PPTC7: variants seen among roughly 807,000 people sequenced by gnomAD.
PPTC7 encodes protein phosphatase targeting COQ7.
A neutral mutation model predicts 30.8 loss-of-function variants in PPTC7; 6 were observed. That is an observed-to-expected ratio of 0.19 (90% CI 0.11 to 0.38). The LOEUF (loss-of-function observed/expected upper bound fraction) is 0.38. PPTC7 is among the 10% of genes least tolerant of loss of function. The probability of loss-of-function intolerance (pLI) is 1.00; values close to 1 mark genes in which losing one functional copy is unlikely to be tolerated. For synonymous variants in PPTC7, 163 were observed against 168.1 expected, an observed-to-expected ratio of 0.97 and a Z score of 0.23; for missense variants, 218 against 404.8, an observed-to-expected ratio of 0.54 and a Z score of 3.96.
chr12:110,578,468 A>G (rs957419982), intron 1 of PPTC7, among the ~76,000 whole-genome samples: 1 of 152,212 alleles, frequency 6.6e-6, no homozygotes, highest in African/African-American at 2.4e-5. Flanking sequence ...CACACCCAAC[A>G]TAGTCAGTTT....
chr12:110,546,945 G>A (rs2064310908), intron 2 of PPTC7, among the ~76,000 whole-genome samples: 1 of 152,202 alleles, frequency 6.6e-6, no homozygotes, highest in African/African-American at 2.4e-5. Flanking sequence ...AGAAGATAAT[G>A]CATATTGTTG....
At chr12:110,553,471 T>C (rs1400283641) in intron 1 of PPTC7, among the ~76,000 whole-genome samples, 1 of 152,036 alleles carries the variant, frequency 6.6e-6, no homozygotes, top group Non-Finnish European at 1.5e-5. Context: ...TTATATTCAT[T>C]ACTTACATAC....
chr12:110,567,860 G>A (rs956630827), intron 1 of PPTC7, among the ~76,000 whole-genome samples: 3 of 152,154 alleles, frequency 2.0e-5, no homozygotes, highest in African/African-American at 7.2e-5. Flanking sequence ...GGACTTTGTA[G>A]CTTGGAGACA....
intron 1 of PPTC7, among the ~76,000 whole-genome samples, chr12:110,564,645 C>T (rs751161848): frequency 1.3e-5 from 2 of 152,082 alleles, no homozygotes; most frequent in African/African-American, 4.8e-5. Context: ...TAGTCACATG[C>T]GGCCTGGCAC....
intron 3 of PPTC7, among the ~76,000 whole-genome samples, chr12:110,543,826 T>C (rs147237345): frequency 1.1e-3 from 172 of 152,260 alleles, no homozygotes; most frequent in African/African-American, 4.0e-3. Flanking sequence ...GTCTCTGGGC[T>C]CTAGGGGAAG....
At chr12:110,576,738 G>A (rs528216318) in intron 1 of PPTC7, among the ~76,000 whole-genome samples, 2 of 152,082 alleles carry the variant, frequency 1.3e-5, no homozygotes, top group Admixed American at 6.5e-5. Flanking sequence ...GGGGTTTCTT[G>A]GGGGGTGATG....
intron 1 of PPTC7, among the ~76,000 whole-genome samples, chr12:110,581,552 C>A (rs1423436483): frequency 6.6e-6 from 1 of 152,180 alleles, no homozygotes; most frequent in Admixed American, 6.5e-5. Flanking sequence ...CTTTCTAAGT[C>A]TCCCTCTCAT....
At chr12:110,559,128 A>AAC (rs2064415615) in intron 1 of PPTC7, among the ~76,000 whole-genome samples, 1 of 152,028 alleles carries the variant, frequency 6.6e-6, no homozygotes, top group Non-Finnish European at 1.5e-5. Context: ...GGCTCAAGGG[A>AAC]TCCTCCCACT....
intron 1 of PPTC7, among the ~76,000 whole-genome samples, chr12:110,582,487 G>A (rs2064646229): frequency 6.6e-6 from 1 of 152,208 alleles, no homozygotes; most frequent in Admixed American, 6.5e-5. Flanking sequence ...GAGGGGACGA[G>A]GTCGCCCAGG....
At chr12:110,575,940 A>G (rs746852680) in intron 1 of PPTC7, among the ~76,000 whole-genome samples, 5 of 152,200 alleles carry the variant, frequency 3.3e-5, no homozygotes. Flanking sequence ...ACACCTATAT[A>G]GCAAAATGAG....
At chr12:110,540,319 G>A (rs61322986) in intron 3 of PPTC7, among the ~76,000 whole-genome samples, 2 of 102,812 alleles carry the variant, frequency 1.9e-5, no homozygotes, top group African/African-American at 3.7e-5. Context: ...ATCCCCCCCC[G>A]CCTTTTTTTT....
At chr12:110,568,787 C>T (rs1205058297) in intron 1 of PPTC7, among the ~76,000 whole-genome samples, 1 of 152,184 alleles carries the variant, frequency 6.6e-6, no homozygotes, top group Non-Finnish European at 1.5e-5. Flanking sequence ...AGTAATGGAT[C>T]CTAGCGTTTC....
chr12:110,581,929 C>A (rs1259195750), intron 1 of PPTC7, among the ~76,000 whole-genome samples: 3 of 152,186 alleles, frequency 2.0e-5, no homozygotes, highest in Non-Finnish European at 4.4e-5. Context: ...AGAGTTTTAA[C>A]GGCACAATAT....
chr12:110,578,893 C>T (rs112488935), intron 1 of PPTC7, among the ~76,000 whole-genome samples: 15,675 of 152,246 alleles, frequency 0.1, 1,155 homozygotes, highest in Non-Finnish European at 0.16. Flanking sequence ...CACCTGTAAT[C>T]CTAGCACTTT....
chr12:110,562,042 G>A (rs928742893), intron 1 of PPTC7, among the ~76,000 whole-genome samples: 7 of 152,084 alleles, frequency 4.6e-5, no homozygotes, highest in African/African-American at 1.4e-4. Flanking sequence ...GCTTGAGCCA[G>A]GAGGTTGAGG....
intron 1 of PPTC7, among the ~76,000 whole-genome samples, chr12:110,562,177 C>A (rs888776681): frequency 2.0e-5 from 3 of 147,806 alleles, no homozygotes; most frequent in African/African-American, 7.5e-5. Context: ...CCCAGCTACT[C>A]GGAAGGCTGA....
intron 1 of PPTC7, among the ~76,000 whole-genome samples, chr12:110,557,130 T>TCTAACATGGGAGCCA (rs1173256296): frequency 6.6e-6 from 1 of 152,158 alleles, no homozygotes; most frequent in African/African-American, 2.4e-5. Flanking sequence ...ACCTGTGCTG[T>TCTAACATGGGAGCCA]CTAACATGGG....
chr12:110,559,175 C>T (rs945453636), intron 1 of PPTC7, among the ~76,000 whole-genome samples: 2 of 152,100 alleles, frequency 1.3e-5, no homozygotes, highest in Middle Eastern at 3.4e-3. Context: ...AGGAATGCAC[C>T]AACACACACA....
chr12:110,556,547 C>A (rs2064388693), intron 1 of PPTC7, among the ~76,000 whole-genome samples: 1 of 152,098 alleles, frequency 6.6e-6, no homozygotes, highest in Non-Finnish European at 1.5e-5. Flanking sequence ...TGGAACTGAT[C>A]CAGATATAAA....
Sources: gnomAD v4.1 joint callset for allele counts (sites outside exome capture counted in the v4.1 genomes callset) on GRCh38, gnomAD v4.1.1 for gene constraint, MANE v1.5 for transcripts, NCBI Gene and HGNC (gene_info 2026-07-23, HGNC 2026-07-21) for gene names.